CREBBP: variants seen among roughly 807,000 people sequenced by gnomAD.
CREBBP encodes the protein CREB-binding protein.
In CREBBP, 19 loss-of-function variants were observed where a neutral mutation model predicts 265.0. The ratio of observed to expected loss-of-function variants is 0.07; its 90% CI spans 0.05 to 0.11. The LOEUF (loss-of-function observed/expected upper bound fraction) is 0.11, where lower values mean the gene tolerates loss of function less well. CREBBP is among the 10% of genes least tolerant of loss of function. The pLI, the probability that CREBBP is intolerant of heterozygous loss-of-function variation, is 1.00. For synonymous variants in CREBBP, 1,457 were observed against 1,223.7 expected, an observed-to-expected ratio of 1.19 and a Z score of -3.98; for missense variants, 2,525 against 3,219.0, an observed-to-expected ratio of 0.78 and a Z score of 5.22.
intron 7 of CREBBP, 30 bp from the exon 8 acceptor site, chr16:3,780,908 T>C: frequency 1.9e-6 from 3 of 1,611,524 alleles, no homozygotes; most frequent in Non-Finnish European, 2.5e-6. Context: ...ACTTCATCCA[T>C]CTACTGAAGT....
rs371248444 is a variant in CREBBP at position 3,850,659 on chromosome 16, C to T, written c.436G>A (p.Ala146Thr). ...QAASTSGPTPAASQALNPQAQ... is the reference protein window; with the variant it reads ...QAASTSGPTPTASQALNPQAQ... ...TGCGGATTCAGTGCTTGGGAGGCAG[C>T]GGGGGTGGGCCCAGAGGTGCTGGCT... Residue 146 changes from alanine to threonine, a missense_variant, in exon 2 of 31, where the codon GCT becomes ACT. Ala to Thr is a moderately conservative substitution (Grantham distance 58, BLOSUM62 0). Transcript: ENST00000262367. 2.7e-5 allele frequency: 44 copies of T among 1,614,010 alleles called. No homozygotes were observed. The highest frequency in any genetic ancestry group is 5.0e-5 in the Admixed American group (3 of 60,008).
chr16:3,779,017 A>G (rs777314904), intron 8 of CREBBP, among the ~76,000 whole-genome samples, 200 bp from the exon 9 acceptor site: 3 of 151,956 alleles, frequency 2.0e-5, no homozygotes, highest in Non-Finnish European at 4.4e-5. Context: ...AAATACAAAA[A>G]TTAGCTGGGC....
rs138677660 is a variant in CREBBP, at chr16:3,775,399, T to C, written c.2159-706A>G. 1.6e-3 allele frequency among the ~76,000 whole-genome samples: 238 copies of C among 152,306 alleles called. 1 individual carries two copies. Among genetic ancestry groups the C allele is most frequent in the African/African-American group, 5.5e-3 (229 of 41,578 alleles). On this transcript the variant is annotated intron_variant, in intron 11 of 30. Coordinates refer to ENST00000262367, the MANE Select transcript of CREBBP (RefSeq NM_004380.3). ...TCTAGTTCCTTCCAATTTCCAATAA[T>C]ACTCTGTAAACTCTGAGTTCTAAAG...
Position 3,751,732 on chromosome 16 carries a change from G to A in CREBBP, c.3773C>T (p.Pro1258Leu), listed in dbSNP as rs1192347377. ...NVTLGDDPSQ[P>L]QTTISKDQFE... Reference sequence around the variant, plus strand: ...ATGACAGGACGGTACTTACGTCTGGGGCTGTGAAGGGTCGTCACCCAGGGT... The same window carrying A: ...ATGACAGGACGGTACTTACGTCTGGAGCTGTGAAGGGTCGTCACCCAGGGT... Residue 1258 changes from proline to leucine, a missense_variant, in exon 20 of 31, where the codon CCC (proline) becomes CTC (leucine). Physicochemically the swap from Pro to Leu is moderately conservative, Grantham distance 98 (BLOSUM62 -3). Around this residue, in one of 19 missense-constraint regions of CREBBP, gnomAD observed 252 missense variants for 452.5 expected, o/e 0.56. Coordinates refer to ENST00000262367, the MANE Select transcript of CREBBP (RefSeq NM_004380.3). The A allele has an allele frequency of 6.2e-7, 1 of 1,613,974 alleles. No individual in the cohort carries two copies. The highest frequency in any genetic ancestry group is 1.3e-5 in the African/African-American group (1 of 74,914).
intron 23 of CREBBP, 45 bp downstream of exon 23, chr16:3,744,849 T>A: frequency 7.0e-7 from 1 of 1,428,348 alleles, no homozygotes; most frequent in Non-Finnish European, 9.9e-7. Context: ...TCTACAAGTT[T>A]CTAAAATGTG....
At chr16:3,761,728 C>T (rs2052723186) in intron 16 of CREBBP, among the ~76,000 whole-genome samples, 1 of 152,238 alleles carries the variant, frequency 6.6e-6, no homozygotes, top group Non-Finnish European at 1.5e-5. Context: ...AAGGCCTGGT[C>T]CAGGGTGCAG....
chr16:3,868,865 G>A (rs1287323029), intron 1 of CREBBP, among the ~76,000 whole-genome samples: 2 of 152,190 alleles, frequency 1.3e-5, no homozygotes, highest in African/African-American at 4.8e-5. Flanking sequence ...TGCCCCACAC[G>A]TAAAATGTGC....
rs770230157 is a variant in CREBBP, at chr16:3,728,063, C to G, written c.6984G>C (p.Ser2328=). Residue 2328 remains serine (S), a synonymous_variant, in exon 31 of 31, where the codon TCG becomes TCC. Transcript: ENST00000262367. The surrounding 1 kb of genome is among the most constrained non-coding windows in gnomAD (Gnocchi z 8.7). ...TGGCGATCTGCTGGCCAGGGAGATGCGAGGCCTGTGGCTGTCCTGAGAGCA... is the reference window on the plus strand; with the variant it reads ...TGGCGATCTGCTGGCCAGGGAGATGGGAGGCCTGTGGCTGTCCTGAGAGCA... ...QHMLSGQPQA[S]HLPGQQIATS... is the part of the protein sequence containing the mutation. 4 of 1,613,632 alleles carry G rather than the reference C, an allele frequency of 2.5e-6. No individual in the cohort carries two copies. Among genetic ancestry groups the G allele is most frequent in the Non-Finnish European group, 1.7e-6 (2 of 1,179,648 alleles).
chr16:3,843,058 G>T (rs2054597037), intron 2 of CREBBP, among the ~76,000 whole-genome samples: 1 of 150,322 alleles, frequency 6.7e-6, no homozygotes, highest in African/African-American at 2.5e-5. Flanking sequence ...ACACATTTTT[G>T]CACAGCTTTA....
At chr16:3,815,405 T>C (rs1339256780) in intron 2 of CREBBP, among the ~76,000 whole-genome samples, 1 of 151,556 alleles carries the variant, frequency 6.6e-6, no homozygotes, top group African/African-American at 2.4e-5. Flanking sequence ...CTAGGCATGG[T>C]GGTGCGTGCG....
At chr16:3,878,758 G>C (rs1407426287) in intron 1 of CREBBP, among the ~76,000 whole-genome samples, 2 of 152,304 alleles carry the variant, frequency 1.3e-5, no homozygotes, top group African/African-American at 4.8e-5. Context: ...TGCAAGCTGC[G>C]CTGGAGATGG....
intron 2 of CREBBP, 47 bp from the exon 3 acceptor site, chr16:3,810,826 T>A (rs552018800): frequency 2.5e-6 from 4 of 1,590,356 alleles, no homozygotes; most frequent in Middle Eastern, 1.9e-4. Flanking sequence ...GCAGTCAATA[T>A]AAAAGGAAGG....
chr16:3,767,940 A>G (rs113782770), intron 15 of CREBBP, 31 bp from the exon 16 acceptor site: 4 of 1,604,840 alleles, frequency 2.5e-6, no homozygotes, highest in East Asian at 2.2e-5. Flanking sequence ...TAACATATGA[A>G]TATCAAACAC....
chr16:3,801,899 C>T (rs1226566864), intron 3 of CREBBP, among the ~76,000 whole-genome samples: 1 of 152,064 alleles, frequency 6.6e-6, no homozygotes, highest in Non-Finnish European at 1.5e-5. Context: ...ACCTTAGTCT[C>T]CCCTGCCTGT....
At chr16:3,853,655 G>A (rs1288825704) in intron 1 of CREBBP, among the ~76,000 whole-genome samples, 1 of 151,256 alleles carries the variant, frequency 6.6e-6, no homozygotes, top group South Asian at 2.1e-4. Context: ...ACCATACATC[G>A]GCCAGGCACG....
At chr16:3,859,722 C>T (rs897565489) in intron 1 of CREBBP, among the ~76,000 whole-genome samples, 1 of 152,176 alleles carries the variant, frequency 6.6e-6, no homozygotes, top group African/African-American at 2.4e-5. Context: ...CATAAAAACT[C>T]ACAAGTACAG....
chr16:3,766,605 A>G (rs1233834131), intron 16 of CREBBP, among the ~76,000 whole-genome samples: 3 of 151,808 alleles, frequency 2.0e-5, no homozygotes, highest in African/African-American at 7.3e-5. Context: ...GGCTCACTGC[A>G]GCCTCAAACT....
At chr16:3,835,411 G>A (rs2054425225) in intron 2 of CREBBP, among the ~76,000 whole-genome samples, 1 of 151,978 alleles carries the variant, frequency 6.6e-6, no homozygotes, top group South Asian at 2.1e-4. Flanking sequence ...ACAGGTCATG[G>A]GGCTGGATGT....
chr16:3,768,136 GTTTTT>G (rs71133655), intron 15 of CREBBP, among the ~76,000 whole-genome samples: 19 of 51,600 alleles, frequency 3.7e-4, no homozygotes, highest in African/African-American at 1.0e-3. Flanking sequence ...ATTTAAAAGT[GTTTTT>G]TTTTTTTTTT....
Sources: allele counts gnomAD v4.1 joint callset (sites outside exome capture counted in the v4.1 genomes callset), GRCh38; gene constraint gnomAD v4.1.1; regional missense constraint gnomAD v4.1.1; non-coding constraint Gnocchi (gnomAD v3.1); transcripts MANE v1.5; gene names NCBI Gene and HGNC (gene_info 2026-07-23, HGNC 2026-07-21).